Variants in B4GALT1 observed in about 807,000 individuals in gnomAD.
The protein encoded by B4GALT1 is beta-1,4-galactosyltransferase 1, also known as N-acetyllactosamine synthase.
In B4GALT1, 16 loss-of-function variants were observed where a neutral mutation model predicts 34.9. The observed-to-expected ratio is 0.46, with a 90% CI of 0.31 to 0.70. The LOEUF is 0.70. Ranked by LOEUF, B4GALT1 falls within the 30% of genes least tolerant of loss-of-function variation. The pLI is 0.05. For missense variants in B4GALT1, 445 were observed against 530.5 expected, an observed-to-expected ratio of 0.84 and a Z score of 1.58; for synonymous variants, 221 against 218.1, an observed-to-expected ratio of 1.01 and a Z score of -0.12.
chr9:33,145,839 C>T (rs1220940146), intron 1 of B4GALT1, among the ~76,000 whole-genome samples: 1 of 152,212 alleles, frequency 6.6e-6, no homozygotes, highest in Admixed American at 6.5e-5. Context: ...ATTTAGGGGC[C>T]AGGGGGGCCT....
chr9:33,145,207 C>T (rs1029281437), intron 1 of B4GALT1, among the ~76,000 whole-genome samples: 10 of 152,126 alleles, frequency 6.6e-5, no homozygotes, highest in African/African-American at 2.4e-4. Flanking sequence ...CCAACCCCTC[C>T]AGCACCCCAT....
the B4GALT1 span, among the ~76,000 whole-genome samples, chr9:33,174,958 T>TAAAAA: frequency 8.2e-4 from 11 of 13,356 alleles, no homozygotes; most frequent in African/African-American, 1.7e-3. Context: ...GACTCTGTCT[T>TAAAAA]AAAAAAAAAA....
At chr9:33,109,028 C>G (rs1162572392), downstream of B4GALT1, among the ~76,000 whole-genome samples, 2 of 152,116 alleles carry the variant, frequency 1.3e-5, no homozygotes, top group Non-Finnish European at 2.9e-5. Flanking sequence ...GTGATAGGAA[C>G]GTCTTTTGTT....
chr9:33,178,001 T>TTC, the B4GALT1 span, among the ~76,000 whole-genome samples: 1 of 150,132 alleles, frequency 6.7e-6, no homozygotes, highest in East Asian at 2.0e-4. Flanking sequence ...TTTTTTTTTT[T>TTC]TTTTTTGAGA....
At chr9:33,135,602 G>A (rs937613554) in intron 1 of B4GALT1, among the ~76,000 whole-genome samples, 178 bp from the exon 2 acceptor site, 1 of 152,132 alleles carries the variant, frequency 6.6e-6, no homozygotes, top group East Asian at 1.9e-4. Flanking sequence ...CCAGCATTAG[G>A]GTGACCAACC....
At chr9:33,109,727 C>A (rs1304589577), downstream of B4GALT1, among the ~76,000 whole-genome samples, 1 of 152,168 alleles carries the variant, frequency 6.6e-6, no homozygotes, top group Non-Finnish European at 1.5e-5. Context: ...GAGCCCTCAA[C>A]CTGTGGGATC....
chr9:33,166,970 G>A lies in B4GALT1; in HGVS notation c.200C>T (p.Ala67Val), dbSNP rs1212290645. ...STPLQGGSNS[A>V]AAIGQSSGEL... Reference sequence around the variant, plus strand: ...CCCGGAGGACTGCCCGATGGCGGCGGCACTGTTCGAGCCGCCCTGCAGCGG... The same window carrying A: ...CCCGGAGGACTGCCCGATGGCGGCGACACTGTTCGAGCCGCCCTGCAGCGG... Residue 67 changes from alanine (A) to valine (V), a missense_variant, in exon 1 of 6, where the codon GCC (alanine) becomes GTC (valine). Coordinates refer to ENST00000379731, the MANE Select transcript of B4GALT1 (RefSeq NM_001497.4). The A allele has an allele frequency of 6.3e-7, 1 of 1,582,202 alleles. No homozygotes were observed. Among genetic ancestry groups the A allele is most frequent in the Admixed American group, 1.8e-5 (1 of 55,952 alleles).
chr9:33,161,113 T>C (rs1840669262), intron 1 of B4GALT1, among the ~76,000 whole-genome samples: 1 of 151,920 alleles, frequency 6.6e-6, no homozygotes, highest in African/African-American at 2.4e-5. Context: ...AGCAGCTACA[T>C]AACACACCCA....
chr9:33,126,818 T>C (rs939782725), intron 2 of B4GALT1, among the ~76,000 whole-genome samples: 1 of 152,180 alleles, frequency 6.6e-6, no homozygotes, highest in Non-Finnish European at 1.5e-5. Flanking sequence ...GAGCATACCC[T>C]TGACCCCTGC....
chr9:33,168,636 C>G (rs138363310), upstream of B4GALT1, among the ~76,000 whole-genome samples: 598 of 152,334 alleles, frequency 3.9e-3, 7 homozygotes, highest in African/African-American at 0.014. Context: ...TCCTTCTGAT[C>G]TTCCTCACTT....
chr9:33,158,194 C>G (rs1372375245), intron 1 of B4GALT1, among the ~76,000 whole-genome samples: 1 of 152,110 alleles, frequency 6.6e-6, no homozygotes, highest in Non-Finnish European at 1.5e-5. Context: ...AGGCCCAGCC[C>G]ACTCAAATTT....
intron 2 of B4GALT1, among the ~76,000 whole-genome samples, chr9:33,124,596 A>G (rs1418054900): frequency 6.6e-6 from 1 of 152,164 alleles, no homozygotes; most frequent in Non-Finnish European, 1.5e-5. Flanking sequence ...TGACAGCACC[A>G]CCGCACTCCA....
chr9:33,129,845 G>A (rs187061601), intron 2 of B4GALT1, among the ~76,000 whole-genome samples: 2 of 152,266 alleles, frequency 1.3e-5, no homozygotes, highest in East Asian at 1.9e-4. Context: ...GCACACAGAG[G>A]GGAGAACAGA....
chr9:33,128,875 A>G (rs1410223451), intron 2 of B4GALT1, among the ~76,000 whole-genome samples: 1 of 152,210 alleles, frequency 6.6e-6, no homozygotes. Context: ...AGCTGCTTGG[A>G]CCAGTGACAG....
chr9:33,158,997 T>C (rs879263855), intron 1 of B4GALT1, among the ~76,000 whole-genome samples: 1 of 152,224 alleles, frequency 6.6e-6, no homozygotes, highest in Non-Finnish European at 1.5e-5. Context: ...AGGCAGGGAC[T>C]CTGCCCAGAG....
At chr9:33,184,674 G>A in the B4GALT1 span, among the ~76,000 whole-genome samples, 6 of 152,198 alleles carry the variant, frequency 3.9e-5, no homozygotes, top group Non-Finnish European at 5.9e-5. Flanking sequence ...GTTCCAACAA[G>A]CTCTCGGGCA....
At chr9:33,136,468 T>C (rs1840274944) in intron 1 of B4GALT1, among the ~76,000 whole-genome samples, 1 of 152,050 alleles carries the variant, frequency 6.6e-6, no homozygotes, top group Admixed American at 6.6e-5. Flanking sequence ...CGCCTCAAAA[T>C]GGGTTCCAGA....
chr9:33,136,831 G>A (rs1435288701), intron 1 of B4GALT1, among the ~76,000 whole-genome samples: 1 of 152,204 alleles, frequency 6.6e-6, no homozygotes, highest in Admixed American at 6.5e-5. Flanking sequence ...GTGAGAACCC[G>A]CCCAGGGCCA....
intron 3 of B4GALT1, among the ~76,000 whole-genome samples, chr9:33,118,477 C>CA (rs1442599806): frequency 1.3e-5 from 2 of 151,398 alleles, no homozygotes; most frequent in African/African-American, 2.4e-5. Flanking sequence ...GCCTGGGTAA[C>CA]ATAGTGAGAC....
Sources: allele counts gnomAD v4.1 joint callset (sites outside exome capture counted in the v4.1 genomes callset), GRCh38; gene constraint gnomAD v4.1.1; transcripts MANE v1.5; gene names NCBI Gene and HGNC (gene_info 2026-07-23, HGNC 2026-07-21).